The following ASIC2 variants were observed in gnomAD, a reference collection of about 807,000 sequenced individuals.
ASIC2 encodes acid-sensing ion channel 2.
ASIC2 carries 25 observed loss-of-function variants against 57.3 expected under a neutral mutation model. That is an observed-to-expected ratio of 0.44 (90% CI 0.32 to 0.61). The LOEUF is 0.61. Among genes scored for constraint, ASIC2 ranks in the 20% least tolerant of loss-of-function variants. ASIC2 has a pLI of 0.06. For missense variants in ASIC2, 641 were observed against 738.1 expected (o/e 0.87, Z 1.52); for synonymous variants, 319 against 307.5 (o/e 1.04, Z -0.39).
chr17:33,961,536 C>A (rs959825242), intron 1 of ASIC2, among the ~76,000 whole-genome samples: 3 of 152,186 alleles, frequency 2.0e-5, no homozygotes, highest in African/African-American at 7.2e-5. Context: ...GCTCCTCAAA[C>A]AAGGTGCCTG....
intron 1 of ASIC2, among the ~76,000 whole-genome samples, chr17:33,887,340 A>G (rs1914853050): frequency 6.6e-6 from 1 of 152,158 alleles, no homozygotes; most frequent in African/African-American, 2.4e-5. Flanking sequence ...ATAAAAATGG[A>G]TACACTATGA....
At chr17:33,065,494 G>A (rs2141944257) in intron 3 of ASIC2, among the ~76,000 whole-genome samples, 1 of 152,164 alleles carries the variant, frequency 6.6e-6, no homozygotes, top group East Asian at 1.9e-4. Context: ...TTTTTATTTT[G>A]TTGTAGAGTT....
At chr17:33,754,659 A>T (rs746164311) in intron 1 of ASIC2, among the ~76,000 whole-genome samples, 26 of 152,176 alleles carry the variant, frequency 1.7e-4, no homozygotes, top group Non-Finnish European at 3.1e-4. Flanking sequence ...ATATGTGTTA[A>T]AGAACAGTTC....
intron 1 of ASIC2, among the ~76,000 whole-genome samples, chr17:33,753,551 C>T (rs1910498620): frequency 6.6e-6 from 1 of 152,188 alleles, no homozygotes; most frequent in Admixed American, 6.5e-5. Context: ...GTGAATGGGG[C>T]AACCCCTAGA....
At chr17:33,181,238 T>C (rs1905972186) in intron 1 of ASIC2, among the ~76,000 whole-genome samples, 1 of 152,180 alleles carries the variant, frequency 6.6e-6, no homozygotes, top group South Asian at 2.1e-4. Flanking sequence ...CAGCACTTTG[T>C]TTTGTTGTGT....
chr17:33,971,586 G>C (rs917771640), intron 1 of ASIC2, among the ~76,000 whole-genome samples: 1 of 152,124 alleles, frequency 6.6e-6, no homozygotes, highest in Non-Finnish European at 1.5e-5. Flanking sequence ...TTGCTGGAAT[G>C]AACTCTTTGG....
At chr17:33,685,169 T>G (rs1203112472) in intron 1 of ASIC2, among the ~76,000 whole-genome samples, 1 of 152,172 alleles carries the variant, frequency 6.6e-6, no homozygotes, top group Non-Finnish European at 1.5e-5. Flanking sequence ...GGAGGTCAGA[T>G]TTCCCCCCTC....
At position 33,969,158 on chromosome 17, in the gene ASIC2, A is replaced by T. The variant is rs373447845; in HGVS notation, c.555+186820T>A. 3.3e-5 allele frequency among the ~76,000 whole-genome samples: 5 copies of T among 152,316 alleles called. No individual in the cohort carries two copies. In the East Asian group the frequency reaches 9.7e-4, roughly 29 times the overall value. ...CCGTTGAGAAACAACCAGTAGTAAG[A>T]TTAGGCATAAGATGCATTTGACTTT... On this transcript the variant is annotated intron_variant, in intron 1 of 9. Coordinates refer to the ASIC2 transcript ENST00000359872.
chr17:33,920,695 C>T (rs1915691287), intron 1 of ASIC2, among the ~76,000 whole-genome samples: 1 of 152,124 alleles, frequency 6.6e-6, no homozygotes, highest in African/African-American at 2.4e-5. Flanking sequence ...CACATGTACC[C>T]CCTGAATCTA....
chr17:34,048,880 GCTT>G (rs1233295346), intron 1 of ASIC2, among the ~76,000 whole-genome samples: 2 of 152,176 alleles, frequency 1.3e-5, no homozygotes, highest in Non-Finnish European at 2.9e-5. Flanking sequence ...TGGGGGCTCT[GCTT>G]CTCTGTGAAA....
rs144311344 is a variant in ASIC2, at chr17:33,564,758, C to T, written c.556-452691G>A. 4.1e-4 allele frequency among the ~76,000 whole-genome samples: 63 copies of T among 152,292 alleles called. 1 individual carries two copies. The highest frequency in any genetic ancestry group is 1.3e-3 in the African/African-American group (54 of 41,554). On this transcript the variant is annotated intron_variant, in intron 1 of 9. Coordinates refer to the ASIC2 transcript ENST00000359872. Reference sequence around the variant, plus strand: ...ATGTTCATAATGGCCCTAACGCCCACGCTGGAAGGTTGTGGGTTTATGGGA... The same window carrying T: ...ATGTTCATAATGGCCCTAACGCCCATGCTGGAAGGTTGTGGGTTTATGGGA...
At chr17:33,279,678 AG>A (rs1312722266) in intron 1 of ASIC2, among the ~76,000 whole-genome samples, 1 of 151,328 alleles carries the variant, frequency 6.6e-6, no homozygotes, top group Non-Finnish European at 1.5e-5. Context: ...GCTTGAGCTC[AG>A]GAGTTCTACA....
chr17:33,156,792 A>C (rs1477107938), intron 1 of ASIC2, among the ~76,000 whole-genome samples: 1 of 152,078 alleles, frequency 6.6e-6, no homozygotes, highest in African/African-American at 2.4e-5. Context: ...CAAACAAATC[A>C]GTGCTTGGGT....
chr17:33,272,629 G>A (rs12601597), intron 1 of ASIC2, among the ~76,000 whole-genome samples: 1 of 151,864 alleles, frequency 6.6e-6, no homozygotes, highest in Non-Finnish European at 1.5e-5. Context: ...TCGTCATCGT[G>A]AGCATCATCA....
chr17:34,042,945 T>C (rs1908192651), intron 1 of ASIC2, among the ~76,000 whole-genome samples: 1 of 152,182 alleles, frequency 6.6e-6, no homozygotes, highest in African/African-American at 2.4e-5. Flanking sequence ...CAGAATACTA[T>C]ATAGCAATGA....
chr17:33,919,365 C>T (rs1277239972), intron 1 of ASIC2, among the ~76,000 whole-genome samples: 1 of 152,180 alleles, frequency 6.6e-6, no homozygotes, highest in Non-Finnish European at 1.5e-5. Flanking sequence ...TAAAGCCATG[C>T]ATCTACAATC....
intron 1 of ASIC2, among the ~76,000 whole-genome samples, chr17:33,676,113 G>T (rs969296225): frequency 2.6e-5 from 4 of 152,106 alleles, no homozygotes; most frequent in African/African-American, 9.7e-5. Flanking sequence ...TTGTTTTGGG[G>T]CACCATGAGC....
intron 1 of ASIC2, among the ~76,000 whole-genome samples, chr17:33,173,551 C>G (rs538005013): frequency 6.6e-6 from 1 of 152,140 alleles, no homozygotes; most frequent in Non-Finnish European, 1.5e-5. Flanking sequence ...AAAGAAAGTG[C>G]CACCCATGGC....
intron 1 of ASIC2, among the ~76,000 whole-genome samples, chr17:33,354,923 C>T: frequency 6.6e-6 from 1 of 152,224 alleles, no homozygotes; most frequent in East Asian, 1.9e-4. Context: ...ACCCAGTACA[C>T]ATCTGCTGAA....
Sources: allele counts gnomAD v4.1 joint callset (sites outside exome capture counted in the v4.1 genomes callset), GRCh38; gene constraint gnomAD v4.1.1; transcripts MANE v1.5; gene names NCBI Gene and HGNC (gene_info 2026-07-23, HGNC 2026-07-21).